The following LYRM4 variants were observed in gnomAD, a reference collection of about 807,000 sequenced individuals.
LYRM4 encodes LYR motif containing 4, also known as LYR motif-containing protein 4.
In LYRM4, 9 loss-of-function variants were observed where a neutral mutation model predicts 11.7. The ratio of observed to expected loss-of-function variants is 0.77; its 90% CI spans 0.46 to 1.34. The LOEUF is 1.34. Ranked by LOEUF, LYRM4 falls within the 40% of genes most tolerant of loss-of-function variation. The probability of loss-of-function intolerance (pLI) is 0.00; values close to 1 mark genes in which losing one functional copy is unlikely to be tolerated. For missense variants in LYRM4, 133 were observed against 112.5 expected (o/e 1.18, Z -0.82); for synonymous variants, 42 against 40.4 (o/e 1.04, Z -0.15).
At chr6:5,074,778 G>C in the LYRM4 span, among the ~76,000 whole-genome samples, 1 of 152,056 alleles carries the variant, frequency 6.6e-6, no homozygotes, top group South Asian at 2.1e-4. Flanking sequence ...TTATATACAC[G>C]TTGATGGTGG....
At chr6:5,035,209 A>G in the LYRM4 span, among the ~76,000 whole-genome samples, 4 of 152,058 alleles carry the variant, frequency 2.6e-5, no homozygotes, top group African/African-American at 9.7e-5. Flanking sequence ...ACTACCTCGA[A>G]TCACAAGAAT....
chr6:5,120,811 A>AT (rs1314139248), intron 2 of LYRM4, among the ~76,000 whole-genome samples: 2 of 152,226 alleles, frequency 1.3e-5, no homozygotes, highest in Admixed American at 1.3e-4. Context: ...CAGAGTGCCG[A>AT]TTGGTGCGTT....
Position 5,251,171 on chromosome 6 carries a change from T to C in LYRM4, c.86+9477A>G, listed in dbSNP as rs192101694. 2.7e-3 allele frequency among the ~76,000 whole-genome samples: 413 copies of C among 152,306 alleles called. 3 individuals are homozygous for C. Among genetic ancestry groups the C allele is most frequent in the African/African-American group, 8.9e-3 (369 of 41,570 alleles). ...ATTACTAGGTTCTAGTGTGGTAATA[T>C]ATACATACACACACACACACTGTGA... On this transcript the variant is annotated intron_variant, in intron 1 of 2. Transcript: ENST00000330636.
chr6:5,121,962 T>C (rs1003909144), intron 2 of LYRM4, among the ~76,000 whole-genome samples: 1 of 152,236 alleles, frequency 6.6e-6, no homozygotes, highest in African/African-American at 2.4e-5. Context: ...ATACATATCT[T>C]TGACAAACTT....
At chr6:5,114,643 G>T (rs1440742757) in intron 2 of LYRM4, among the ~76,000 whole-genome samples, 3 of 152,006 alleles carry the variant, frequency 2.0e-5, no homozygotes, top group Non-Finnish European at 2.9e-5. Context: ...TTTAAATCAG[G>T]GGTGTCCAAT....
At chr6:5,086,975 G>C in the LYRM4 span, 2 of 177,816 alleles carry the variant, frequency 1.1e-5, no homozygotes, top group East Asian at 3.3e-4. Context: ...CAGTTTGCTG[G>C]AGACCCCTAG....
chr6:5,199,372 G>A (rs1234693317), intron 2 of LYRM4, among the ~76,000 whole-genome samples: 1 of 152,118 alleles, frequency 6.6e-6, no homozygotes, highest in East Asian at 1.9e-4. Flanking sequence ...GAGTGGGTTG[G>A]GGGAAAATGG....
At chr6:5,175,213 C>T (rs969748540) in intron 2 of LYRM4, among the ~76,000 whole-genome samples, 1 of 152,166 alleles carries the variant, frequency 6.6e-6, no homozygotes, top group African/African-American at 2.4e-5. Flanking sequence ...TAGACAAGAG[C>T]ATAAACCCAG....
chr6:5,048,706 T>C, the LYRM4 span, among the ~76,000 whole-genome samples: 1 of 152,290 alleles, frequency 6.6e-6, no homozygotes, highest in Non-Finnish European at 1.5e-5. Flanking sequence ...CACTTTTTGC[T>C]TCAGAGCCCC....
chr6:5,226,886 A>C lies in LYRM4; in HGVS notation c.87-10148T>G, dbSNP rs558448566. ...AGTTCCTATTGATATAATAAAAATC[A>C]GTAATATACCACAATAAGGAAAAAT... is the stretch of plus-strand genomic sequence containing the variant. On this transcript the variant is annotated intron_variant, in intron 1 of 2. Transcript: ENST00000330636. Among the ~76,000 whole-genome samples the C allele has an allele frequency of 3.4e-4, 52 of 152,352 alleles. 1 individual carries two copies. The highest frequency in any genetic ancestry group is 3.4e-3 in the Middle Eastern group (1 of 294).
intron 2 of LYRM4, chr6:5,138,861 A>T (rs1757255294): frequency 4.4e-6 from 3 of 675,124 alleles, no homozygotes; most frequent in Non-Finnish European, 7.4e-6. Context: ...AAAGCTAGAA[A>T]TGAGATTAAT....
intron 2 of LYRM4, among the ~76,000 whole-genome samples, chr6:5,164,783 T>C (rs1027464170): frequency 6.6e-6 from 1 of 151,860 alleles, no homozygotes; most frequent in Non-Finnish European, 1.5e-5. Flanking sequence ...GCCTGGCCAA[T>C]ACGGTGAAAC....
chr6:5,205,204 C>G (rs1477901974), intron 2 of LYRM4, among the ~76,000 whole-genome samples: 1 of 150,376 alleles, frequency 6.6e-6, no homozygotes, highest in South Asian at 2.3e-4. Flanking sequence ...GTCCAGAGAA[C>G]AATGAGATTG....
At chr6:5,165,788 C>T (rs553491042) in intron 2 of LYRM4, among the ~76,000 whole-genome samples, 3 of 152,278 alleles carry the variant, frequency 2.0e-5, no homozygotes, top group East Asian at 3.9e-4. Context: ...GGTGATCTAC[C>T]TGCCTCGGCC....
At chr6:5,240,393 T>C (rs1763807217) in intron 1 of LYRM4, 1 of 152,198 alleles carries the variant, frequency 6.6e-6, no homozygotes, top group African/African-American at 2.4e-5. Flanking sequence ...GTACCCTTTG[T>C]GATAATATTA....
At chr6:5,131,528 C>T (rs1763952110) in intron 2 of LYRM4, among the ~76,000 whole-genome samples, 1 of 152,156 alleles carries the variant, frequency 6.6e-6, no homozygotes, top group Non-Finnish European at 1.5e-5. Flanking sequence ...AGCAACACCT[C>T]ATCTCTTAAA....
At chr6:5,237,160 T>C (rs1350981545) in intron 1 of LYRM4, among the ~76,000 whole-genome samples, 1 of 152,158 alleles carries the variant, frequency 6.6e-6, no homozygotes, top group East Asian at 1.9e-4. Context: ...CTGTGGCCTA[T>C]CAGGAACTGG....
chr6:5,141,218 T>G (rs1317460481), intron 2 of LYRM4, among the ~76,000 whole-genome samples: 2 of 152,326 alleles, frequency 1.3e-5, no homozygotes, highest in East Asian at 3.9e-4. Context: ...AGGGTCCTCA[T>G]GCTCACATAT....
the LYRM4 span, among the ~76,000 whole-genome samples, chr6:5,093,025 T>A: frequency 6.6e-6 from 1 of 152,166 alleles, no homozygotes; most frequent in African/African-American, 2.4e-5. Flanking sequence ...TGCAGACAAG[T>A]GTTAACAATG....
Sources: allele counts gnomAD v4.1 joint callset (sites outside exome capture counted in the v4.1 genomes callset), GRCh38; gene constraint gnomAD v4.1.1; transcripts MANE v1.5; gene names NCBI Gene and HGNC (gene_info 2026-07-23, HGNC 2026-07-21).